MYO10: variants seen among roughly 807,000 people sequenced by gnomAD.
MYO10 encodes the protein unconventional myosin-X.
MYO10 carries 133 observed loss-of-function variants against 257.3 expected under a neutral mutation model. The ratio of observed to expected loss-of-function variants is 0.52; its 90% confidence interval spans 0.45 to 0.60. MYO10 has a LOEUF of 0.60. MYO10 is among the 20% of genes least tolerant of loss of function. The probability of loss-of-function intolerance (pLI) is 0.00; values close to 1 mark genes in which losing one functional copy is unlikely to be tolerated. For synonymous variants in MYO10, 1,104 were observed against 1,028.6 expected (o/e 1.07, Z -1.40); for missense variants, 2,399 against 2,635.7 (o/e 0.91, Z 1.97).
chr5:16,824,818 G>T (rs765291756), intron 2 of MYO10, among the ~76,000 whole-genome samples: 1 of 152,124 alleles, frequency 6.6e-6, no homozygotes, highest in South Asian at 2.1e-4. Context: ...AGTGAGCCAA[G>T]ATCACACCAC....
chr5:16,723,075 G>A (rs1470768395), intron 19 of MYO10, among the ~76,000 whole-genome samples: 3 of 152,098 alleles, frequency 2.0e-5, no homozygotes, highest in Non-Finnish European at 4.4e-5. Flanking sequence ...CCTGTCATTG[G>A]GGAATTACAA....
chr5:16,883,868 C>T (rs1033359501), intron 1 of MYO10, among the ~76,000 whole-genome samples: 3 of 152,148 alleles, frequency 2.0e-5, no homozygotes, highest in Non-Finnish European at 2.9e-5. Context: ...TGACAGTGGA[C>T]TTTAAATACC....
rs1298578829 is a variant in MYO10 at position 16,671,468 on chromosome 5, T to C, written c.5384A>G (p.Asp1795Gly). The C allele has an allele frequency of 6.2e-7, 1 of 1,613,906 alleles. No homozygotes were observed. Among genetic ancestry groups the C allele is most frequent in the African/African-American group, 1.3e-5 (1 of 74,942 alleles). Residue 1795 changes from aspartate (D) to glycine (G), a missense_variant, in exon 38 of 41, where the codon GAC (aspartate) becomes GGC (glycine). Around this residue, in one of 3 missense-constraint regions of MYO10, gnomAD observed 1,820 missense variants for 1,939.4 expected, o/e 0.94. Coordinates refer to ENST00000513610, the MANE Select transcript of MYO10 (RefSeq NM_012334.3). ...YFKLYCFLDT[D>G]NVPKDSVEFA... Reference sequence around the variant, plus strand: ...CTCCACACTGTCTTTTGGCACGTTGTCTGTGTCCAGGAAGCAGTAAAGTTT... The same window carrying C: ...CTCCACACTGTCTTTTGGCACGTTGCCTGTGTCCAGGAAGCAGTAAAGTTT...
chr5:16,921,864 T>C (rs1745996047), intron 1 of MYO10, among the ~76,000 whole-genome samples: 1 of 151,730 alleles, frequency 6.6e-6, no homozygotes, highest in Admixed American at 6.6e-5. Flanking sequence ...TCCTACCATA[T>C]GCAGGACGGC....
chr5:16,893,196 C>CAAAAAAAAAAAAAAA lies in MYO10; in HGVS notation c.22-15504_22-15490dup, dbSNP rs59761183. 5.3e-3 allele frequency among the ~76,000 whole-genome samples: 367 copies of CAAAAAAAAAAAAAAA among 69,482 alleles called. 28 individuals carry two copies. The highest frequency in any genetic ancestry group is 0.01 in the Admixed American group (42 of 4,072). The allele number at this position is 69,482 out of a possible 152,430, so 45.6% of individuals were successfully genotyped here. Reference sequence around the variant, plus strand: ...TGGGTGACACAGTGAGACTCTGTCTCAAAAAAAAAAAAAAAAAAAGAACTT... The same window carrying CAAAAAAAAAAAAAAA: ...TGGGTGACACAGTGAGACTCTGTCTCAAAAAAAAAAAAAAAAAAAAAAAAAAAAAAAAAAGAACTT... On this transcript the variant is annotated intron_variant, in intron 1 of 40. Transcript: ENST00000513610.
chr5:16,802,838 TG>T (rs1417594363), intron 3 of MYO10, among the ~76,000 whole-genome samples: 1 of 151,844 alleles, frequency 6.6e-6, no homozygotes, highest in Non-Finnish European at 1.5e-5. Context: ...TTTTAGAGGT[TG>T]GGTGTGGTGG....
chr5:16,706,028 CA>C (rs1738316265), intron 21 of MYO10, among the ~76,000 whole-genome samples: 1 of 151,878 alleles, frequency 6.6e-6, no homozygotes, highest in Non-Finnish European at 1.5e-5. Flanking sequence ...ACTAAAAATA[CA>C]AAAAATTAGC....
chr5:16,752,444 G>C (rs1481593911), intron 19 of MYO10, among the ~76,000 whole-genome samples: 1 of 151,898 alleles, frequency 6.6e-6, no homozygotes, highest in African/African-American at 2.4e-5. Context: ...CACCACGCCT[G>C]GCTAATTTTT....
intron 17 of MYO10, 86 bp from the exon 18 acceptor site, chr5:16,758,312 C>G (rs895200192): frequency 2.2e-5 from 21 of 951,446 alleles, no homozygotes; most frequent in Non-Finnish European, 3.6e-5. Flanking sequence ...TGCCCTTTCT[C>G]AATGATAATT....
At chr5:16,753,857 A>G (rs1740453665) in intron 19 of MYO10, among the ~76,000 whole-genome samples, 1 of 152,218 alleles carries the variant, frequency 6.6e-6, no homozygotes, top group Non-Finnish European at 1.5e-5. Flanking sequence ...TGGCATTATA[A>G]AAGATAAGAT....
At chr5:16,934,451 C>G (rs1029957993) in intron 1 of MYO10, among the ~76,000 whole-genome samples, 18 of 152,276 alleles carry the variant, frequency 1.2e-4, no homozygotes, top group African/African-American at 4.3e-4. Flanking sequence ...CCGGAACTCA[C>G]TGTAGCCCGA....
At chr5:16,845,129 T>G (rs533449608) in intron 2 of MYO10, among the ~76,000 whole-genome samples, 61 of 152,248 alleles carry the variant, frequency 4.0e-4, no homozygotes, top group Non-Finnish European at 6.8e-4. Flanking sequence ...GAACTGAACC[T>G]CTTCCTGAGA....
chr5:16,722,447 T>C (rs1022951737), intron 19 of MYO10, among the ~76,000 whole-genome samples: 1 of 152,224 alleles, frequency 6.6e-6, no homozygotes, highest in East Asian at 1.9e-4. Flanking sequence ...TCTAATATAT[T>C]TGTTTAATTA....
intron 2 of MYO10, among the ~76,000 whole-genome samples, chr5:16,858,125 G>A (rs1424525443): frequency 6.6e-6 from 1 of 152,158 alleles, no homozygotes; most frequent in Non-Finnish European, 1.5e-5. Flanking sequence ...TGCTGTGAAC[G>A]CAGTCACAGA....
chr5:16,696,663 C>A (rs942160185), intron 26 of MYO10, among the ~76,000 whole-genome samples: 1 of 129,466 alleles, frequency 7.7e-6, no homozygotes, highest in African/African-American at 3.0e-5. Flanking sequence ...CAAGACCAGC[C>A]TGGCCAACAT....
intron 2 of MYO10, among the ~76,000 whole-genome samples, chr5:16,846,220 G>C (rs944593010): frequency 6.6e-6 from 1 of 152,182 alleles, no homozygotes. Flanking sequence ...CAAGCTATTG[G>C]CAGACTAATT....
intron 2 of MYO10, among the ~76,000 whole-genome samples, chr5:16,831,365 C>CT (rs1228258144): frequency 2.6e-5 from 4 of 152,182 alleles, no homozygotes; most frequent in African/African-American, 9.7e-5. Context: ...AATCCCACTA[C>CT]TGGGTATCTA....
chr5:16,751,648 AT>A (rs770395712), intron 19 of MYO10, among the ~76,000 whole-genome samples: 4,793 of 140,702 alleles, frequency 0.034, 115 homozygotes, highest in Admixed American at 0.083. Flanking sequence ...AACCTGGCTA[AT>A]TTTTTTTTTT....
Position 16,699,440 on chromosome 5 carries a change from G to A in MYO10, c.3556+10C>T, listed in dbSNP as rs952922650. ...CCCTAACCCAGACTCCATGGCGGCTGCAGTCATACCTTTCATGTACAGAAA... is the reference window on the plus strand; with the variant it reads ...CCCTAACCCAGACTCCATGGCGGCTACAGTCATACCTTTCATGTACAGAAA... On this transcript the variant is annotated intron_variant, in intron 26 of 40. Coordinates refer to ENST00000513610, the MANE Select transcript of MYO10 (RefSeq NM_012334.3). 13 of 1,612,842 alleles carry A rather than the reference G, an allele frequency of 8.1e-6. No homozygotes were observed. Among genetic ancestry groups the A allele is most frequent in the South Asian group, 3.3e-5 (3 of 90,988 alleles).
Sources: gnomAD v4.1 joint callset for allele counts (sites outside exome capture counted in the v4.1 genomes callset) on GRCh38, gnomAD v4.1.1 for gene constraint, gnomAD v4.1.1 regional missense constraint, MANE v1.5 for transcripts, NCBI Gene and HGNC (gene_info 2026-07-23, HGNC 2026-07-21) for gene names.